The following FAM167A variants were observed in gnomAD, a reference collection of about 807,000 sequenced individuals.
The protein encoded by FAM167A is family with sequence similarity 167 member A.
A neutral mutation model predicts 14.9 loss-of-function variants in FAM167A; 23 were observed. The ratio of observed to expected loss-of-function variants is 1.55; its 90% CI spans 1.11 to 2.19. The LOEUF (loss-of-function observed/expected upper bound fraction) is 2.19, where lower values mean the gene tolerates loss of function less well. FAM167A is among the 30% of genes most tolerant of loss of function. The pLI is 0.00. For missense variants in FAM167A, 401 were observed against 281.5 expected (o/e 1.42, Z -3.04); for synonymous variants, 174 against 117.7 (o/e 1.48, Z -3.10).
At position 11,444,147 on chromosome 8, in the gene FAM167A, C is replaced by T; in HGVS notation, c.265G>A (p.Gly89Arg). ...QEPLLPLREA[G>R]QHPPSARSAS... The stretch of plus-strand genomic sequence containing the variant: ...CTCCTGGCAGAAGGGGGGTGCTGCC[C>T]AGCCTCTCTCAGGGGGAGCAAGGGC... Residue 89 changes from glycine (G) to arginine (R), a missense_variant, in exon 2 of 3, where the codon GGG (glycine) becomes AGG (arginine). Gly to Arg is a moderately radical substitution (Grantham distance 125, BLOSUM62 -2). Transcript: ENST00000284486. 2 of 1,613,190 alleles carry T rather than the reference C, an allele frequency of 1.2e-6. No individual in the cohort carries two copies. The highest frequency in any genetic ancestry group is 1.3e-5 in the African/African-American group (1 of 75,072).
At chr8:11,451,658 T>C (rs1034633669) in intron 1 of FAM167A, among the ~76,000 whole-genome samples, 10 of 152,204 alleles carry the variant, frequency 6.6e-5, no homozygotes, top group African/African-American at 2.4e-4. Context: ...TGTGAGCATG[T>C]GACCTGAGCT....
intron 2 of FAM167A, among the ~76,000 whole-genome samples, chr8:11,441,238 CAGA>C (rs1433531588): frequency 6.6e-6 from 1 of 152,224 alleles, no homozygotes; most frequent in African/African-American, 2.4e-5. Context: ...ACACAGGGCT[CAGA>C]GCTCCCGCTT....
Position 11,423,137 on chromosome 8 carries a change from C to A in FAM167A, c.*1236G>T, listed in dbSNP as rs953630984. The A allele has an allele frequency of 6.6e-6, 1 of 152,352 alleles. No homozygotes were observed. Among genetic ancestry groups the A allele is most frequent in the African/African-American group, 2.4e-5 (1 of 41,418 alleles). The allele number at this position is 152,352 out of a possible 1,614,324, so 9.4% of individuals were successfully genotyped here. On this transcript the variant is annotated 3_prime_UTR_variant, in exon 3 of 3. Coordinates refer to ENST00000284486, the MANE Select transcript of FAM167A (RefSeq NM_053279.3). ...TTGCTCCTTTACTAATGAGAGGACTCGACTAGATGACACCAAAGGTCAGAA... is the reference window on the plus strand; with the variant it reads ...TTGCTCCTTTACTAATGAGAGGACTAGACTAGATGACACCAAAGGTCAGAA...
At position 11,424,186 on chromosome 8, in the gene FAM167A, C is replaced by G. The variant is rs1201251365; in HGVS notation, c.*187G>C. 1.5e-6 allele frequency: 1 copy of G among 664,088 alleles called. No individual in the cohort carries two copies. Among genetic ancestry groups the G allele is most frequent in the Non-Finnish European group, 2.5e-6 (1 of 397,900 alleles). 41.1% of individuals were successfully genotyped at this position (664,088 alleles called of 1,614,324 possible). A position where few individuals can be genotyped will look rare whatever the true frequency, so the allele number is the denominator to read the frequency against. On this transcript the variant is annotated 3_prime_UTR_variant, in exon 3 of 3. Transcript: ENST00000284486. ...TAAGCAAGAGCCAGTCACAGAGACA[C>G]TGGCATCCACACCCAGGGCCCCTGG... is the stretch of plus-strand genomic sequence containing the variant.
At chr8:11,469,768 A>G (rs1195688924), upstream of FAM167A, among the ~76,000 whole-genome samples, 6 of 152,216 alleles carry the variant, frequency 3.9e-5, no homozygotes, top group African/African-American at 1.2e-4. Flanking sequence ...CTGAAGTCCC[A>G]GCTACTTGGG....
intron 1 of FAM167A, chr8:11,474,730 G>C (rs1797814914): frequency 6.6e-6 from 1 of 152,160 alleles, no homozygotes; most frequent in Admixed American, 6.6e-5. Flanking sequence ...TTCACAATCA[G>C]CCCTCCTAGA....
intron 1 of FAM167A, among the ~76,000 whole-genome samples, chr8:11,449,183 C>G (rs766355743): frequency 2.6e-5 from 4 of 152,244 alleles, no homozygotes; most frequent in Admixed American, 6.5e-5. Context: ...TTGGGGAGCA[C>G]TGTCCCCCTG....
intron 1 of FAM167A, among the ~76,000 whole-genome samples, chr8:11,456,179 T>A (rs28459300): frequency 3.5e-3 from 20 of 5,696 alleles, no homozygotes; most frequent in East Asian, 7.7e-3. Context: ...TTGCTGTGTG[T>A]GTGTGTGAAT....
rs927361717 is a variant in FAM167A, at chr8:11,424,122, C to CTTGG, written c.*247_*250dup. 2.0e-6 allele frequency: 1 copy of CTTGG among 497,790 alleles called. No homozygotes were observed. The highest frequency in any genetic ancestry group is 3.6e-6 in the Non-Finnish European group (1 of 276,728). The allele number at this position is 497,790 out of a possible 1,614,324, so 30.8% of individuals were successfully genotyped here. ...TGGGAACCCAGGTCTCCTTTAACAT[C>CTTGG]TTGGTTGGAGCGGCCCTTCTGCAGA... On this transcript the variant is annotated 3_prime_UTR_variant, in exon 3 of 3. Transcript: ENST00000284486.
chr8:11,447,045 C>A (rs1398293308), intron 1 of FAM167A, among the ~76,000 whole-genome samples: 1 of 152,248 alleles, frequency 6.6e-6, no homozygotes, highest in Non-Finnish European at 1.5e-5. Context: ...CCCTCCCCCA[C>A]CAGCAGGCTC....
chr8:11,465,322 G>A (rs576467276), intron 1 of FAM167A, among the ~76,000 whole-genome samples: 21 of 152,092 alleles, frequency 1.4e-4, no homozygotes, highest in Non-Finnish European at 2.6e-4. Context: ...GCACTGTCCC[G>A]GGAGTCAGGC....
Position 11,434,441 on chromosome 8 carries a change from T to G in FAM167A, c.381+9590A>C, listed in dbSNP as rs1489821371. Among the ~76,000 whole-genome samples, 6 of 152,122 alleles carry G rather than the reference T, an allele frequency of 3.9e-5. No individual in the cohort carries two copies. The East Asian group carries it at 1.2e-3, about 29-fold the overall frequency. On this transcript the variant is annotated intron_variant, in intron 2 of 2. Coordinates refer to ENST00000284486, the MANE Select transcript of FAM167A (RefSeq NM_053279.3). ...AAGATGAGTCCATCTGAGCCAGGCC[T>G]CCAGGGATCCTCCCTGCCAGGGGCT...
At chr8:11,433,145 G>T (rs1805731799) in intron 2 of FAM167A, among the ~76,000 whole-genome samples, 1 of 151,894 alleles carries the variant, frequency 6.6e-6, no homozygotes, top group Non-Finnish European at 1.5e-5. Context: ...CATGGCATGT[G>T]TATACCTATG....
chr8:11,465,545 C>G (rs1807729753), intron 1 of FAM167A, among the ~76,000 whole-genome samples: 1 of 152,240 alleles, frequency 6.6e-6, no homozygotes. Flanking sequence ...CCATTCCAAG[C>G]ACAGCCCATG....
intron 2 of FAM167A, among the ~76,000 whole-genome samples, chr8:11,440,618 C>G (rs537367098): frequency 6.6e-6 from 1 of 152,308 alleles, no homozygotes; most frequent in East Asian, 1.9e-4. Context: ...GGTCAGAGGA[C>G]AGGTTAGAGT....
At position 11,444,584 on chromosome 8, in the gene FAM167A, C is replaced by A; in HGVS notation, c.-173G>T. ...GGGTGGCAGGGGAGCTGAGAGGGAC[C>A]GCGCAGTGAGCCGCACAGGGCGCCC... On this transcript the variant is annotated 5_prime_UTR_variant, in exon 2 of 3. Coordinates refer to ENST00000284486, the MANE Select transcript of FAM167A (RefSeq NM_053279.3). 2 of 1,430,964 alleles carry A rather than the reference C, an allele frequency of 1.4e-6. No individual in the cohort carries two copies. Among genetic ancestry groups the A allele is most frequent in the Non-Finnish European group, 9.1e-7 (1 of 1,099,458 alleles). 88.6% of individuals were successfully genotyped at this position (1,430,964 alleles called of 1,614,324 possible). A position where few individuals can be genotyped will look rare whatever the true frequency, so the allele number is the denominator to read the frequency against.
intron 2 of FAM167A, among the ~76,000 whole-genome samples, chr8:11,432,534 G>C (rs756948496): frequency 1.3e-5 from 2 of 152,210 alleles, no homozygotes; most frequent in Non-Finnish European, 2.9e-5. Context: ...TCTCACACCA[G>C]TTAGGATGGT....
At chr8:11,455,048 G>A (rs1414829389) in intron 1 of FAM167A, among the ~76,000 whole-genome samples, 3 of 152,228 alleles carry the variant, frequency 2.0e-5, no homozygotes, top group Non-Finnish European at 4.4e-5. Flanking sequence ...GGTGTCAGGA[G>A]CCCTGACATG....
At chr8:11,461,394 C>T (rs1807532618) in intron 1 of FAM167A, among the ~76,000 whole-genome samples, 4 of 152,276 alleles carry the variant, frequency 2.6e-5, no homozygotes, top group African/African-American at 9.6e-5. Context: ...AGCCTGCTGC[C>T]GCCCCGCCAA....
Sources: allele counts gnomAD v4.1 joint callset (sites outside exome capture counted in the v4.1 genomes callset), GRCh38; gene constraint gnomAD v4.1.1; transcripts MANE v1.5; gene names NCBI Gene and HGNC (gene_info 2026-07-23, HGNC 2026-07-21).